The following PEG3 variants were observed in gnomAD, a reference collection of about 807,000 sequenced individuals.
PEG3 encodes the protein paternally expressed 3, also known as paternally-expressed gene 3 protein.
In PEG3, 23 loss-of-function variants were observed where a neutral mutation model predicts 35.5. The ratio of observed to expected loss-of-function variants is 0.65; its 90% CI spans 0.47 to 0.92. PEG3 has a LOEUF of 0.92. Ranked by LOEUF, PEG3 falls within the 40% of genes least tolerant of loss-of-function variation. The pLI, the probability that PEG3 is intolerant of heterozygous loss-of-function variation, is 0.00. For synonymous variants in PEG3, 707 were observed against 697.0 expected (o/e 1.01, Z -0.23); for missense variants, 1,960 against 1,985.3 (o/e 0.99, Z 0.24).
At chr19:56,833,130 T>C (rs1274165229) in intron 2 of PEG3, 1 of 516,486 alleles carries the variant, frequency 1.9e-6, no homozygotes, top group African/African-American at 1.9e-5. Context: ...GGACCATGTG[T>C]GAGAAGAAAT....
chr19:56,817,973 A>G (rs2060133542), intron 8 of PEG3, 138 bp from the exon 9 acceptor site: 1 of 664,500 alleles, frequency 1.5e-6, no homozygotes, highest in East Asian at 2.7e-5. Context: ...GTCAGAAGAC[A>G]TTTGCTGTCT....
At chr19:56,821,297 G>T (rs981184351) in intron 7 of PEG3, among the ~76,000 whole-genome samples, 2 of 152,220 alleles carry the variant, frequency 1.3e-5, no homozygotes, top group Non-Finnish European at 2.9e-5. Flanking sequence ...TCCCTGGCCA[G>T]TCTACTCTGC....
rs568261099 is a variant in PEG3 at position 56,817,191 on chromosome 19, T to C, written c.1251A>G (p.Glu417=). Residue 417 remains glutamate, a synonymous_variant, in exon 10 of 10, where the codon GAA becomes GAG. Coordinates refer to ENST00000326441, the MANE Select transcript of PEG3 (RefSeq NM_006210.3). ...TGGCTTTTCTCATCTCACTACCACA[T>C]TCAAAGGGCTTCTTCCTGGGACAGC... is the stretch of plus-strand genomic sequence containing the variant. ...QKGCPRKKPF[E]CGSEMRKAMS... is the part of the protein sequence containing the mutation. 1 of 1,614,230 alleles carries C rather than the reference T, an allele frequency of 6.2e-7. No individual in the cohort carries two copies. The highest frequency in any genetic ancestry group is 2.2e-5 in the East Asian group (1 of 44,888).
At chr19:56,820,799 G>T (rs2060410892) in intron 7 of PEG3, among the ~76,000 whole-genome samples, 1 of 152,192 alleles carries the variant, frequency 6.6e-6, no homozygotes, top group African/African-American at 2.4e-5. Flanking sequence ...CTCAGGGCAG[G>T]GCCCCTCTCT....
rs752513979 is a variant in PEG3 at position 56,812,113 on chromosome 19, C to CT, written c.*1561dup. The CT allele has an allele frequency of 7.8e-5, 76 of 968,610 alleles. No homozygotes were observed. Among genetic ancestry groups the CT allele is most frequent in the South Asian group, 1.4e-4 (3 of 20,924 alleles). 60.0% of individuals were successfully genotyped at this position (968,610 alleles called of 1,614,324 possible). On this transcript the variant is annotated 3_prime_UTR_variant, in exon 10 of 10. Transcript: ENST00000326441. ...TGATCTACACTTACATTTTGCAAAT[C>CT]TTTTTTTTTAAATTTTTTAAATTTT...
At position 56,817,789 on chromosome 19, in the gene PEG3, G is replaced by A; in HGVS notation, c.819C>T (p.His273=). 6.2e-7 allele frequency: 1 copy of A among 1,614,108 alleles called. No individual in the cohort carries two copies. Among genetic ancestry groups the A allele is most frequent in the East Asian group, 2.2e-5 (1 of 44,870 alleles). Residue 273 remains histidine, a synonymous_variant, in exon 9 of 10, where the codon CAC becomes CAT. Transcript: ENST00000326441. ...AGGCACTTCTCTTGGATCTTGATGA[G>A]TGGCCCTGCGTCATGTGGGAGTGGC... ...DDGHSHMTQG[H]SSRSKRSAYP... is the part of the protein sequence containing the mutation.
intron 9 of PEG3, 61 bp downstream of exon 9, chr19:56,817,685 A>C: frequency 6.4e-7 from 1 of 1,552,206 alleles, no homozygotes; most frequent in Admixed American, 1.7e-5. Context: ...AAAGTGTAGA[A>C]GTTCCTTGAT....
In PEG3 at chr19:56,815,044, C is replaced by A; in HGVS notation, c.3398G>T (p.Cys1133Phe). The change falls in exon 10 of 10, where the codon TGC (cysteine) becomes TTC (phenylalanine). Residue 1133 changes from cysteine to phenylalanine, a missense_variant. Transcript: ENST00000326441. ...TDHQKVHSRK[C>F]LVDSREYTHS... ...TGTGTACTCCCGACTGTCAACCAGG[C>A]ACTTCCTGCTGTGGACTTTCTGATG... 8 of 1,614,174 alleles carry A rather than the reference C, an allele frequency of 5.0e-6. No homozygotes were observed. Among genetic ancestry groups the A allele is most frequent in the Non-Finnish European group, 5.9e-6 (7 of 1,180,024 alleles).
chr19:56,839,792 A>G (rs1693664860), intron 1 of PEG3, among the ~76,000 whole-genome samples: 1 of 151,868 alleles, frequency 6.6e-6, no homozygotes, highest in Admixed American at 6.5e-5. Flanking sequence ...GGCAAACCTC[A>G]GCCACCCTCA....
chr19:56,821,531 T>G, intron 7 of PEG3, 120 bp downstream of exon 7: 1 of 1,243,488 alleles, frequency 8.0e-7, no homozygotes, highest in Non-Finnish European at 1.1e-6. Flanking sequence ...CCTGGAGCGC[T>G]GGGACTCTCA....
rs769939656 is a variant in PEG3 at position 56,815,639 on chromosome 19, C to G, written c.2803G>C (p.Ala935Pro). 3 of 1,614,128 alleles carry G rather than the reference C, an allele frequency of 1.9e-6. No individual in the cohort carries two copies. Among genetic ancestry groups the G allele is most frequent in the Non-Finnish European group, 2.5e-6 (3 of 1,180,006 alleles). ...TCAATGTATTTCTTTTTAGCACGAG[C>G]CTTCTGGTATTCACGGACATTTGAG... ...PSSNVREYQK[A>P]RAKKKYIEHR... is the part of the protein sequence containing the mutation. The change falls in exon 10 of 10, where the codon GCT becomes CCT. Residue 935 changes from alanine (A) to proline (P), a missense_variant. Physicochemically the swap from Ala to Pro is conservative, Grantham distance 27 (BLOSUM62 -1). This residue lies in a region of PEG3 where 798 missense variants were observed against 782.4 expected (regional missense o/e 1.02). Transcript: ENST00000326441.
chr19:56,820,359 T>A lies in PEG3; in HGVS notation c.669+1292A>T, dbSNP rs186697418. Among the ~76,000 whole-genome samples the A allele has an allele frequency of 2.3e-3, 358 of 152,366 alleles. 3 individuals carry two copies. Among genetic ancestry groups the A allele is most frequent in the African/African-American group, 7.6e-3 (316 of 41,588 alleles). ...ACCATACTGAGTCAGTAGGAATCAG[T>A]AGCTTCCAGACTTTTAATTATGCAG... On this transcript the variant is annotated intron_variant, in intron 7 of 9. Coordinates refer to ENST00000326441, the MANE Select transcript of PEG3 (RefSeq NM_006210.3).
chr19:56,820,842 G>A (rs2060416778), intron 7 of PEG3, among the ~76,000 whole-genome samples: 1 of 152,210 alleles, frequency 6.6e-6, no homozygotes, highest in Non-Finnish European at 1.5e-5. Flanking sequence ...CCAGGGCCTA[G>A]GCCTGCTTTC....
Position 56,813,546 on chromosome 19 carries a change from G to C in PEG3, c.*129C>G. ...CTCTTTTCAATCTGAGTTTAGAGAT[G>C]TTAAGTCAGGTGTGTAACACACTAA... On this transcript the variant is annotated 3_prime_UTR_variant, in exon 10 of 10. Coordinates refer to ENST00000326441, the MANE Select transcript of PEG3 (RefSeq NM_006210.3). 1 of 1,446,186 alleles carries C rather than the reference G, an allele frequency of 6.9e-7. No individual in the cohort carries two copies. The highest frequency in any genetic ancestry group is 9.1e-7 in the Non-Finnish European group (1 of 1,096,832). 89.6% of individuals were successfully genotyped at this position (1,446,186 alleles called of 1,614,324 possible).
At chr19:56,830,935 T>TA (rs1019083480) in intron 2 of PEG3, among the ~76,000 whole-genome samples, 6 of 150,212 alleles carry the variant, frequency 4.0e-5, no homozygotes, top group African/African-American at 7.4e-5. Flanking sequence ...ACCAAAAAAA[T>TA]AAAAAACAAT....
chr19:56,826,589 C>T (rs1007013668), intron 2 of PEG3, 126 bp from the exon 3 acceptor site: 3 of 152,172 alleles, frequency 2.0e-5, no homozygotes, highest in South Asian at 2.1e-4. Flanking sequence ...GCCTTCTATA[C>T]CTTCGGGGAA....
chr19:56,826,299 G>C (rs1042089661), intron 3 of PEG3, 89 bp downstream of exon 3: 1 of 152,210 alleles, frequency 6.6e-6, no homozygotes, highest in Non-Finnish European at 1.5e-5. Flanking sequence ...TCTGTTATGT[G>C]GCAGACAGAC....
Position 56,815,740 on chromosome 19 carries a change from C to G in PEG3, c.2702G>C (p.Arg901Pro). The G allele has an allele frequency of 6.2e-7, 1 of 1,614,138 alleles. No homozygotes were observed. Among genetic ancestry groups the G allele is most frequent in the Non-Finnish European group, 8.5e-7 (1 of 1,180,014 alleles). Reference protein sequence around the residue: ...YEDSVIQSVFRAKPQKSVPGE... With the variant: ...YEDSVIQSVFPAKPQKSVPGE... ...AGGAACACTTTTCTGAGGTTTGGCA[C>G]GGAATACACTCTGTATGACAGAGTC... is the stretch of plus-strand genomic sequence containing the variant. Residue 901 changes from arginine (R) to proline (P), a missense_variant, in exon 10 of 10, where the codon CGT becomes CCT. Physicochemically the swap from Arg to Pro is moderately radical, Grantham distance 103. Around this residue, in one of 5 missense-constraint regions of PEG3, gnomAD observed 798 missense variants for 782.4 expected, o/e 1.02. Transcript: ENST00000326441.
chr19:56,811,556 G>A lies in PEG3; in HGVS notation c.*2119C>T, dbSNP rs1041380382. On this transcript the variant is annotated 3_prime_UTR_variant, in exon 10 of 10. Coordinates refer to ENST00000326441, the MANE Select transcript of PEG3 (RefSeq NM_006210.3). ...CTTTTCACTAGCTGAAGGTTGGAAC[G>A]GACACCCTGACTTACAGCAAGTTGC... The A allele has an allele frequency of 5.1e-6, 5 of 985,188 alleles. No individual in the cohort carries two copies. Among genetic ancestry groups the A allele is most frequent in the Non-Finnish European group, 6.0e-6 (5 of 829,798 alleles). The allele number at this position is 985,188 out of a possible 1,614,324, so 61.0% of individuals were successfully genotyped here. A position where few individuals can be genotyped will look rare whatever the true frequency, so the allele number is the denominator to read the frequency against.
Sources: allele counts gnomAD v4.1 joint callset (sites outside exome capture counted in the v4.1 genomes callset), GRCh38; gene constraint gnomAD v4.1.1; regional missense constraint gnomAD v4.1.1; transcripts MANE v1.5; gene names NCBI Gene and HGNC (gene_info 2026-07-23, HGNC 2026-07-21).